Variants in PAN3 observed in about 807,000 individuals in gnomAD.
PAN3 encodes PAN2-PAN3 deadenylation complex subunit PAN3.
Under a neutral mutation model 96.2 loss-of-function variants are expected in PAN3, and 19 were observed. The observed-to-expected ratio is 0.20, with a 90% CI of 0.14 to 0.29. The LOEUF (loss-of-function observed/expected upper bound fraction) is 0.29. PAN3 is among the 10% of genes least tolerant of loss of function. The pLI is 1.00. For synonymous variants in PAN3, 433 were observed against 406.6 expected (o/e 1.06, Z -0.78); for missense variants, 882 against 1,108.1 (o/e 0.80, Z 2.90).
intron 1 of PAN3, among the ~76,000 whole-genome samples, chr13:28,171,397 T>C (rs1874288761): frequency 6.6e-6 from 1 of 152,198 alleles, no homozygotes; most frequent in Admixed American, 6.5e-5. Context: ...ATGACACTAC[T>C]TGGAGTTAGT....
At chr13:28,222,464 A>G (rs1023840261) in intron 6 of PAN3, among the ~76,000 whole-genome samples, 6 of 152,208 alleles carry the variant, frequency 3.9e-5, no homozygotes, top group African/African-American at 1.2e-4. Context: ...TCTAATGACT[A>G]TTATTTTAAA....
chr13:28,277,453 G>T, intron 15 of PAN3, 77 bp downstream of exon 15: 1 of 1,436,074 alleles, frequency 7.0e-7, no homozygotes, highest in African/African-American at 1.5e-5. Flanking sequence ...TTAAGTGATT[G>T]TTTTGGTTCC....
intron 1 of PAN3, among the ~76,000 whole-genome samples, chr13:28,154,266 C>G (rs1439631781): frequency 1.3e-5 from 2 of 152,164 alleles, no homozygotes; most frequent in Non-Finnish European, 2.9e-5. Context: ...TAATGCATAT[C>G]ATAAACATGT....
At chr13:28,146,137 A>G (rs1056167642) in intron 1 of PAN3, among the ~76,000 whole-genome samples, 11 of 151,786 alleles carry the variant, frequency 7.2e-5, no homozygotes, top group African/African-American at 2.7e-4. Context: ...AAGTCAAAAT[A>G]AATCAGTCTC....
At chr13:28,143,660 A>G (rs1229053111) in intron 1 of PAN3, among the ~76,000 whole-genome samples, 2 of 152,224 alleles carry the variant, frequency 1.3e-5, no homozygotes, top group South Asian at 2.1e-4. Flanking sequence ...CATTGCCTGC[A>G]CATATTGAGG....
At chr13:28,277,433 T>G in intron 15 of PAN3, 57 bp downstream of exon 15, 1 of 1,516,378 alleles carries the variant, frequency 6.6e-7, no homozygotes, top group African/African-American at 1.4e-5. Context: ...AAGACAGAGC[T>G]TTTTTTGTTT....
intron 5 of PAN3, among the ~76,000 whole-genome samples, chr13:28,214,260 C>T (rs1165810850): frequency 6.6e-6 from 1 of 152,126 alleles, no homozygotes; most frequent in Non-Finnish European, 1.5e-5. Context: ...TGTACAAAGA[C>T]TTGTGTACAA....
At position 28,293,387 on chromosome 13, in the gene PAN3, G is replaced by GTTTTTTTTTT. The variant is rs71086844; in HGVS notation, c.*885_*894dup. The GTTTTTTTTTT allele has an allele frequency of 2.9e-3, 63 of 21,362 alleles. 12 individuals are homozygous for GTTTTTTTTTT. The highest frequency in any genetic ancestry group is 8.6e-3 in the African/African-American group (43 of 4,974). 1.3% of individuals were successfully genotyped at this position (21,362 alleles called of 1,614,324 possible). A position where few individuals can be genotyped will look rare whatever the true frequency, so the allele number is the denominator to read the frequency against. On this transcript the variant is annotated 3_prime_UTR_variant, in exon 19 of 19. Transcript: ENST00000380958. ...ACTTTAGGTTCTTTCCAGTTTGCTG[G>GTTTTTTTTTT]TTTTTTTTTTTTTTTTTTTTTTTTT...
chr13:28,152,240 GCAAA>G (rs1182341124), intron 1 of PAN3, among the ~76,000 whole-genome samples: 1 of 152,048 alleles, frequency 6.6e-6, no homozygotes, highest in East Asian at 1.9e-4. Context: ...GTTTTAATAA[GCAAA>G]CAATTACAAA....
intron 6 of PAN3, among the ~76,000 whole-genome samples, chr13:28,227,264 A>G (rs1459427467): frequency 6.6e-6 from 1 of 152,198 alleles, no homozygotes; most frequent in Non-Finnish European, 1.5e-5. Context: ...TTAAATAGCT[A>G]CCAGTAGATA....
chr13:28,266,466 TAAAAGG>T (rs1886185930), intron 9 of PAN3, among the ~76,000 whole-genome samples: 1 of 152,244 alleles, frequency 6.6e-6, no homozygotes, highest in Non-Finnish European at 1.5e-5. Context: ...TATTGTGCTA[TAAAAGG>T]AAATGTTTTT....
intron 6 of PAN3, among the ~76,000 whole-genome samples, chr13:28,234,805 A>G (rs1288630774): frequency 6.6e-6 from 1 of 152,052 alleles, no homozygotes; most frequent in African/African-American, 2.4e-5. Flanking sequence ...CAGGAAACCT[A>G]AGGTTTATTT....
chr13:28,213,414 T>TATA, intron 5 of PAN3, among the ~76,000 whole-genome samples: 1 of 152,060 alleles, frequency 6.6e-6, no homozygotes, highest in Non-Finnish European at 1.5e-5. Context: ...TTGTAGACAG[T>TATA]ATAACAGTAT....
intron 9 of PAN3, among the ~76,000 whole-genome samples, chr13:28,265,334 G>A (rs571749830): frequency 1.3e-5 from 2 of 152,290 alleles, no homozygotes; most frequent in South Asian, 2.1e-4. Context: ...CAAGTAGCTA[G>A]GACTATAGTC....
intron 15 of PAN3, among the ~76,000 whole-genome samples, chr13:28,278,563 T>C (rs1410621417): frequency 6.6e-6 from 1 of 152,118 alleles, no homozygotes; most frequent in Non-Finnish European, 1.5e-5. Context: ...TGTTTGAAAT[T>C]TTCTTTATTA....
chr13:28,239,175 A>ACG lies in PAN3; in HGVS notation c.1001-17116_1001-17115insGC, dbSNP rs1405116445. ...CCCACCCCCGCCAACACACACACAC[A>ACG]CACACACACACACGCATGCACACAC... On this transcript the variant is annotated intron_variant, in intron 6 of 18. Coordinates refer to ENST00000380958, the MANE Select transcript of PAN3 (RefSeq NM_175854.8). Among the ~76,000 whole-genome samples, 187 of 95,166 alleles carry ACG rather than the reference A, an allele frequency of 2.0e-3. 2 individuals carry two copies. The highest frequency in any genetic ancestry group is 8.6e-3 in the African/African-American group (184 of 21,382). 62.4% of individuals were successfully genotyped at this position (95,166 alleles called of 152,430 possible).
intron 5 of PAN3, 91 bp downstream of exon 5, chr13:28,197,437 A>G: frequency 7.7e-7 from 1 of 1,291,250 alleles, no homozygotes; most frequent in East Asian, 2.6e-5. Flanking sequence ...AAAGGATTGG[A>G]TGACTTAGCT....
intron 1 of PAN3, among the ~76,000 whole-genome samples, chr13:28,142,361 T>G (rs1420569868): frequency 6.6e-6 from 1 of 152,174 alleles, no homozygotes; most frequent in African/African-American, 2.4e-5. Flanking sequence ...AGAGATGATG[T>G]CTTGCTGTGT....
chr13:28,147,080 A>G (rs1338140469), intron 1 of PAN3, among the ~76,000 whole-genome samples: 1 of 152,270 alleles, frequency 6.6e-6, no homozygotes, highest in Admixed American at 6.5e-5. Context: ...GTTATCGACC[A>G]AAACATTGTT....
Sources: gnomAD v4.1 joint callset for allele counts (sites outside exome capture counted in the v4.1 genomes callset) on GRCh38, gnomAD v4.1.1 for gene constraint, MANE v1.5 for transcripts, NCBI Gene and HGNC (gene_info 2026-07-23, HGNC 2026-07-21) for gene names.